OR2J2: variants seen among roughly 807,000 people sequenced by gnomAD.
The protein encoded by OR2J2 is olfactory receptor family 2 subfamily J member 2.
In OR2J2, 13 loss-of-function variants were observed where a neutral mutation model predicts 16.9. That is an observed-to-expected ratio of 0.77 (90% confidence interval 0.50 to 1.23). The LOEUF (loss-of-function observed/expected upper bound fraction) is 1.23. Ranked by LOEUF, OR2J2 falls within the 50% of genes most tolerant of loss-of-function variation. The pLI, the probability that OR2J2 is intolerant of heterozygous loss-of-function variation, is 0.00. For synonymous variants in OR2J2, 125 were observed against 141.2 expected, an observed-to-expected ratio of 0.89 and a Z score of 0.81; for missense variants, 341 against 379.1, an observed-to-expected ratio of 0.90 and a Z score of 0.84.
In OR2J2 at chr6:29,174,065, T is replaced by C; in HGVS notation, c.430T>C (p.Leu144=). 1 of 1,613,636 alleles carries C rather than the reference T, an allele frequency of 6.2e-7. No homozygotes were observed. The highest frequency in any genetic ancestry group is 8.5e-7 in the Non-Finnish European group (1 of 1,179,886). Residue 144 remains leucine, a synonymous_variant, in exon 2 of 2, where the codon TTG becomes CTG. Coordinates refer to ENST00000641417, the MANE Select transcript of OR2J2 (RefSeq NM_030905.3). ...TVLMHPRFCH[L]LVAASWVIGF... ...CCTCATGCACCCTCGTTTCTGCCAC[T>C]TGTTGGTTGCGGCTTCTTGGGTAAT... is the stretch of plus-strand genomic sequence containing the variant.
Position 29,174,646 on chromosome 6 carries a change from CTTCT to C in OR2J2, c.*75_*78del. On this transcript the variant is annotated 3_prime_UTR_variant, in exon 2 of 2. Transcript: ENST00000641417. ...GCCATCTTGAAAGGTGGTTTCCCTG[CTTCT>C]TTGTGATTTATTTTTGTTCTAACAG... 7 of 1,213,844 alleles carry C rather than the reference CTTCT, an allele frequency of 5.8e-6. No homozygotes were observed. Among genetic ancestry groups the C allele is most frequent in the Non-Finnish European group, 8.0e-6 (7 of 877,452 alleles). The allele number at this position is 1,213,844 out of a possible 1,614,324, so 75.2% of individuals were successfully genotyped here. A position where few individuals can be genotyped will look rare whatever the true frequency, so the allele number is the denominator to read the frequency against.
At chr6:29,173,146 A>G (rs1040201174) in intron 1 of OR2J2, among the ~76,000 whole-genome samples, 1 of 152,130 alleles carries the variant, frequency 6.6e-6, no homozygotes. Context: ...GATTCTTTCT[A>G]TAATCATATT....
chr6:29,174,801 T>A lies in OR2J2; in HGVS notation c.*227T>A, dbSNP rs116746225. On this transcript the variant is annotated 3_prime_UTR_variant, in exon 2 of 2. Transcript: ENST00000641417. ...TTCTTTTACAATTGTATATTTTATT[T>A]CTGTGAAAATTGTGGACTGTGGTTT... 1.3e-3 allele frequency: 590 copies of A among 451,800 alleles called. 6 individuals are homozygous for A. The highest frequency in any genetic ancestry group is 0.01 in the African/African-American group (497 of 49,612). The allele number at this position is 451,800 out of a possible 1,614,324, so 28.0% of individuals were successfully genotyped here.
intron 1 of OR2J2, among the ~76,000 whole-genome samples, chr6:29,172,225 T>G (rs191552576): frequency 1.0e-3 from 156 of 152,060 alleles, no homozygotes; most frequent in Non-Finnish European, 1.2e-3. Flanking sequence ...CCTGGCTAAT[T>G]TTTGTATTTT....
In OR2J2 at chr6:29,173,765, C is replaced by G. The variant is rs772463705; in HGVS notation, c.130C>G (p.Leu44Val). The G allele has an allele frequency of 2.5e-5, 41 of 1,613,652 alleles. No individual in the cohort carries two copies. The Admixed American group carries it at 2.7e-4, about 11-fold the overall frequency. ...IFYLMTLTGN[L>V]FIIILSYVDS... ...CTACCTGATGACACTGACAGGAAACCTGTTCATCATCATCCTGTCATACGT... is the reference window on the plus strand; with the variant it reads ...CTACCTGATGACACTGACAGGAAACGTGTTCATCATCATCCTGTCATACGT... Residue 44 changes from leucine (L) to valine (V), a missense_variant, in exon 2 of 2, where the codon CTG becomes GTG. Transcript: ENST00000641417.
chr6:29,171,857 T>C (rs1271699144), intron 1 of OR2J2, among the ~76,000 whole-genome samples: 1 of 152,160 alleles, frequency 6.6e-6, no homozygotes, highest in Non-Finnish European at 1.5e-5. Flanking sequence ...GCTCATTCCA[T>C]TACCAACAAT....
At chr6:29,173,331 C>A (rs1765603485) in intron 1 of OR2J2, 1 of 281,490 alleles carries the variant, frequency 3.6e-6, no homozygotes, top group Non-Finnish European at 6.5e-6. Context: ...AGTAAAAAAT[C>A]ATTTTTCATA....
chr6:29,173,485 G>A (rs780725104), intron 1 of OR2J2, 134 bp from the exon 2 acceptor site: 49 of 594,700 alleles, frequency 8.2e-5, no homozygotes, highest in Non-Finnish European at 1.4e-4. Flanking sequence ...CATATAAAGG[G>A]AACTGTATAA....
rs772924943 is a variant in OR2J2, at chr6:29,173,908, G to T, written c.273G>T (p.Lys91Asn). 3 of 1,611,864 alleles carry T rather than the reference G, an allele frequency of 1.9e-6. No individual in the cohort carries two copies. The South Asian group carries it at 3.3e-5, about 18-fold the overall frequency. The change falls in exon 2 of 2, where the codon AAG (lysine) becomes AAT (asparagine). Residue 91 changes from lysine to asparagine, a missense_variant. Transcript: ENST00000641417. ...TGGTGAATCTCCGGGGCCCGGAAAA[G>T]ACCATCTCGTATGCTGGTTGCATGG... is the stretch of plus-strand genomic sequence containing the variant. ...QLLVNLRGPE[K>N]TISYAGCMVQ... is the part of the protein sequence containing the mutation.
Position 29,173,731 on chromosome 6 carries a change from C to A in OR2J2, c.96C>A (p.Ile32=). 1.2e-6 allele frequency: 2 copies of A among 1,613,750 alleles called. No individual in the cohort carries two copies. Among genetic ancestry groups the A allele is most frequent in the South Asian group, 2.2e-5 (2 of 91,042 alleles). Residue 32 remains isoleucine, a synonymous_variant, in exon 2 of 2, where the codon ATC becomes ATA. Transcript: ENST00000641417. ...PQLEVVLFVV[I]LIFYLMTLTG... Reference sequence around the variant, plus strand: ...TGGAAGTAGTTCTCTTTGTGGTTATCTTGATCTTCTACCTGATGACACTGA... The same window carrying A: ...TGGAAGTAGTTCTCTTTGTGGTTATATTGATCTTCTACCTGATGACACTGA...
intron 1 of OR2J2, among the ~76,000 whole-genome samples, chr6:29,171,954 A>G (rs1765510302): frequency 6.6e-6 from 1 of 152,156 alleles, no homozygotes; most frequent in Non-Finnish European, 1.5e-5. Context: ...CTCCAGCTGT[A>G]ACTCAACCAG....
chr6:29,173,625 G>GA lies in OR2J2; in HGVS notation c.-6dup. The GA allele has an allele frequency of 6.3e-7, 1 of 1,576,866 alleles. No individual in the cohort carries two copies. Among genetic ancestry groups the GA allele is most frequent in the Non-Finnish European group, 8.6e-7 (1 of 1,160,698 alleles). ...TATGTGGTTCTTTCTTTAGGTATAA[G>GA]AAAAAGATGAATGATGATTAAAAAA... On this transcript the variant is annotated 5_prime_UTR_variant, in exon 2 of 2. It removes the in-frame stop codon of an upstream open reading frame in the 5' UTR. Transcript: ENST00000641417.
rs1765803010 is a variant in OR2J2 at position 29,175,432 on chromosome 6, CAAT to C, written c.*861_*863del. 6.6e-6 allele frequency: 1 copy of C among 151,738 alleles called. No individual in the cohort carries two copies. The allele number at this position is 151,738 out of a possible 1,614,324, so 9.4% of individuals were successfully genotyped here. ...TAAGACAGCTTTTAAAAGTCAGAAA[CAAT>C]AAACTCTGATTACTCTTCAGATTGT... is the stretch of plus-strand genomic sequence containing the variant. On this transcript the variant is annotated 3_prime_UTR_variant, in exon 2 of 2. Transcript: ENST00000641417.
At position 29,174,417 on chromosome 6, in the gene OR2J2, T is replaced by G; in HGVS notation, c.782T>G (p.Leu261Arg). ...LFFIPVMCMY[L>R]QPPSENSPDQ... ...TTCATTCCAGTCATGTGCATGTATC[T>G]CCAGCCACCATCAGAAAATTCTCCT... The change falls in exon 2 of 2, where the codon CTC (leucine) becomes CGC (arginine). Residue 261 changes from leucine (L) to arginine (R), a missense_variant. By Grantham distance (102) the Leu-to-Arg change is moderately radical (BLOSUM62 -2). Transcript: ENST00000641417. The G allele has an allele frequency of 3.7e-6, 6 of 1,614,000 alleles. No individual in the cohort carries two copies. Among genetic ancestry groups the G allele is most frequent in the Non-Finnish European group, 5.1e-6 (6 of 1,180,002 alleles).
At position 29,174,113 on chromosome 6, in the gene OR2J2, C is replaced by A. The variant is rs756461779; in HGVS notation, c.478C>A (p.His160Asn). The A allele has an allele frequency of 6.2e-7, 1 of 1,613,688 alleles. No homozygotes were observed. The highest frequency in any genetic ancestry group is 8.5e-7 in the Non-Finnish European group (1 of 1,179,938). ...WVIGFTISALHSSFTFWVPLC... is the reference protein window; with the variant it reads ...WVIGFTISALNSSFTFWVPLC... ...AATTGGTTTTACTATCTCAGCACTT[C>A]ATTCCTCCTTTACTTTCTGGGTACC... is the stretch of plus-strand genomic sequence containing the variant. The change falls in exon 2 of 2, where the codon CAT (histidine) becomes AAT (asparagine). Residue 160 changes from histidine (H) to asparagine (N), a missense_variant. By Grantham distance (68) the His-to-Asn change is moderately conservative. Coordinates refer to ENST00000641417, the MANE Select transcript of OR2J2 (RefSeq NM_030905.3).
In OR2J2 at chr6:29,174,013, T is replaced by G. The variant is rs1293777297; in HGVS notation, c.378T>G (p.Ala126=). The stretch of plus-strand genomic sequence containing the variant: ...TGATGTCATATGATCGTTATGTAGC[T>G]GTGTGTAGACCTTTGCATTACACTG... The part of the protein sequence containing the change: ...LVVMSYDRYV[A]VCRPLHYTVL... Residue 126 remains alanine, a synonymous_variant, in exon 2 of 2, where the codon GCT becomes GCG. Transcript: ENST00000641417. 1 of 1,613,126 alleles carries G rather than the reference T, an allele frequency of 6.2e-7. No homozygotes were observed. The highest frequency in any genetic ancestry group is 1.7e-5 in the Admixed American group (1 of 59,850).
intron 1 of OR2J2, 32 bp from the exon 2 acceptor site, chr6:29,173,587 C>G (rs373372174): frequency 1.6e-5 from 23 of 1,430,900 alleles, no homozygotes; most frequent in Non-Finnish European, 1.9e-5. Context: ...AATGCATGGA[C>G]AGACTTTGAG....
rs1204115005 is a variant in OR2J2, at chr6:29,170,975, A to C, written c.-148A>C. On this transcript the variant is annotated 5_prime_UTR_variant, in exon 1 of 2. It removes an upstream start codon present in the reference 5' UTR. Transcript: ENST00000641417. ...AGTTAGATTTAAAACATTGGCAAAA[A>C]TGTTATAAGAAGGCAATTAGGTTGA... 1 of 152,118 alleles carries C rather than the reference A, an allele frequency of 6.6e-6. No individual in the cohort carries two copies. The highest frequency in any genetic ancestry group is 1.5e-5 in the Non-Finnish European group (1 of 68,018). The allele number at this position is 152,118 out of a possible 1,614,324, so 9.4% of individuals were successfully genotyped here.
intron 1 of OR2J2, among the ~76,000 whole-genome samples, chr6:29,171,387 A>T (rs1198515881): frequency 6.6e-6 from 1 of 152,106 alleles, no homozygotes; most frequent in Non-Finnish European, 1.5e-5. Flanking sequence ...AATTGGCATA[A>T]TGTCTCTTAA....
Sources: allele counts gnomAD v4.1 joint callset (sites outside exome capture counted in the v4.1 genomes callset), GRCh38; gene constraint gnomAD v4.1.1; transcripts MANE v1.5; gene names NCBI Gene and HGNC (gene_info 2026-07-23, HGNC 2026-07-21).